The following SLC6A17 variants were observed in gnomAD, a reference collection of about 807,000 sequenced individuals.
The protein encoded by SLC6A17 is sodium-dependent neutral amino acid transporter SLC6A17.
Under a neutral mutation model 64.5 loss-of-function variants are expected in SLC6A17, and 21 were observed. The observed-to-expected ratio is 0.33, with a 90% confidence interval of 0.23 to 0.47. SLC6A17 has a LOEUF of 0.47. Ranked by LOEUF, SLC6A17 falls within the 20% of genes least tolerant of loss-of-function variation. SLC6A17 has a pLI of 1.00. For missense variants in SLC6A17, 682 were observed against 963.2 expected, an observed-to-expected ratio of 0.71 and a Z score of 3.86; for synonymous variants, 372 against 399.5, an observed-to-expected ratio of 0.93 and a Z score of 0.82.
rs529206165 is a variant in SLC6A17 at position 110,174,126 on chromosome 1, C to G, written c.571+27C>G. The G allele has an allele frequency of 4.3e-6, 7 of 1,611,490 alleles. No homozygotes were observed. The South Asian group carries it at 7.7e-5, about 18-fold the overall frequency. Reference sequence around the variant, plus strand: ...CAAGTATGGGGCCCAGCTGGGGATGCCAGCCAGCCCTGTCCCAGGAAGGGG... The same window carrying G: ...CAAGTATGGGGCCCAGCTGGGGATGGCAGCCAGCCCTGTCCCAGGAAGGGG... On this transcript the variant is annotated intron_variant, in intron 4 of 11. Coordinates refer to ENST00000331565, the MANE Select transcript of SLC6A17 (RefSeq NM_001010898.4).
intron 5 of SLC6A17, among the ~76,000 whole-genome samples, chr1:110,175,247 A>G (rs1656343667): frequency 6.6e-6 from 1 of 152,216 alleles, no homozygotes; most frequent in Non-Finnish European, 1.5e-5. Flanking sequence ...AACTAGAAGT[A>G]TTGACCCAGG....
At position 110,194,710 on chromosome 1, in the gene SLC6A17, C is replaced by T. The variant is rs143709207; in HGVS notation, c.1431C>T (p.Thr477=). Residue 477 remains threonine (T), a synonymous_variant, in exon 9 of 12, where the codon ACC becomes ACT. Transcript: ENST00000331565. ...TGGGCCTGGGCAGCATGATCGGGACCATGGCAGGCATCACCACGCCCATCA... is the reference window on the plus strand; with the variant it reads ...TGGGCCTGGGCAGCATGATCGGGACTATGGCAGGCATCACCACGCCCATCA... ...INLGLGSMIG[T]MAGITTPIID... The T allele has an allele frequency of 2.5e-6, 4 of 1,614,068 alleles. No individual in the cohort carries two copies. The highest frequency in any genetic ancestry group is 3.4e-6 in the Non-Finnish European group (4 of 1,180,056).
intron 6 of SLC6A17, 119 bp from the exon 7 acceptor site, chr1:110,191,853 T>C: frequency 6.7e-7 from 1 of 1,489,814 alleles, no homozygotes; most frequent in Non-Finnish European, 9.0e-7. Flanking sequence ...ACACAGCTTC[T>C]TACCACTATG....
intron 1 of SLC6A17, among the ~76,000 whole-genome samples, chr1:110,165,034 C>T (rs963711777): frequency 3.3e-5 from 5 of 152,222 alleles, no homozygotes; most frequent in Non-Finnish European, 7.3e-5. Context: ...GGGACCCCCA[C>T]CCTTCTTCCC....
chr1:110,197,744 C>A, intron 11 of SLC6A17, 145 bp downstream of exon 11: 2 of 993,692 alleles, frequency 2.0e-6, no homozygotes, highest in Non-Finnish European at 1.4e-6. Context: ...AATCTTACAA[C>A]AAGCCAAAGA....
At chr1:110,152,376 T>G (rs1655632872) in intron 1 of SLC6A17, among the ~76,000 whole-genome samples, 1 of 152,196 alleles carries the variant, frequency 6.6e-6, no homozygotes, top group Non-Finnish European at 1.5e-5. Context: ...CCACCAGCTC[T>G]GATTGGAGTG....
intron 1 of SLC6A17, among the ~76,000 whole-genome samples, chr1:110,166,637 G>A (rs1236374626): frequency 2.0e-5 from 3 of 152,128 alleles, no homozygotes; most frequent in African/African-American, 4.8e-5. Flanking sequence ...AATAATGCTC[G>A]GGTCAAGCCT....
intron 10 of SLC6A17, 39 bp downstream of exon 10, chr1:110,195,784 G>A (rs1180637370): frequency 5.0e-6 from 8 of 1,612,116 alleles, no homozygotes; most frequent in Non-Finnish European, 6.8e-6. Context: ...TGGGAGGAGG[G>A]GTCTGTCCTA....
chr1:110,151,327 C>T (rs1458529049), intron 1 of SLC6A17, among the ~76,000 whole-genome samples: 3 of 152,274 alleles, frequency 2.0e-5, no homozygotes, highest in Non-Finnish European at 4.4e-5. Flanking sequence ...AGCCGCTCGG[C>T]CTCAGGCCTG....
intron 6 of SLC6A17, among the ~76,000 whole-genome samples, chr1:110,180,382 A>G (rs1229496970): frequency 1.3e-5 from 2 of 152,218 alleles, no homozygotes; most frequent in Non-Finnish European, 2.9e-5. Context: ...TTTTGCAGGA[A>G]CAAAAACCCC....
chr1:110,152,646 G>C (rs543526586), intron 1 of SLC6A17, among the ~76,000 whole-genome samples: 1 of 152,274 alleles, frequency 6.6e-6, no homozygotes, highest in East Asian at 1.9e-4. Context: ...GTAAGGAAAG[G>C]CTCTGTGATT....
chr1:110,160,116 A>T (rs1311419686), intron 1 of SLC6A17, among the ~76,000 whole-genome samples: 1 of 152,238 alleles, frequency 6.6e-6, no homozygotes, highest in Admixed American at 6.5e-5. Context: ...TGGTAACCAG[A>T]TGCAGCTGGT....
intron 1 of SLC6A17, among the ~76,000 whole-genome samples, chr1:110,153,443 GA>G (rs893574484): frequency 2.0e-5 from 3 of 152,030 alleles, no homozygotes; most frequent in African/African-American, 7.3e-5. Context: ...CCTTAAGAGT[GA>G]AGGAAATAAG....
rs201989744 is a variant in SLC6A17, at chr1:110,198,435, G to A, written c.2175G>A (p.Ser725=). Residue 725 remains serine, a synonymous_variant, in exon 12 of 12, where the codon TCG becomes TCA. Transcript: ENST00000331565. ...ACCTGCTGGCCAGCACCCCTGAGTC[G>A]GAGCTGTGACCACTGCCCAAGCCCT... ...SGYLLASTPE[S]EL 5.0e-5 allele frequency: 81 copies of A among 1,606,890 alleles called. No homozygotes were observed. The highest frequency in any genetic ancestry group is 1.7e-4 in the Middle Eastern group (1 of 6,048).
intron 1 of SLC6A17, among the ~76,000 whole-genome samples, chr1:110,158,112 A>T (rs1386840992): frequency 6.6e-6 from 1 of 152,238 alleles, no homozygotes; most frequent in East Asian, 1.9e-4. Flanking sequence ...TGCACTAGAA[A>T]TAAATCCAAT....
At chr1:110,176,989 C>T (rs957995581) in intron 6 of SLC6A17, among the ~76,000 whole-genome samples, 3 of 152,120 alleles carry the variant, frequency 2.0e-5, no homozygotes, top group African/African-American at 7.2e-5. Context: ...TCTGAAAGAG[C>T]CTTAGGGAGC....
At chr1:110,184,213 C>T (rs1212118125) in intron 6 of SLC6A17, among the ~76,000 whole-genome samples, 6 of 152,196 alleles carry the variant, frequency 3.9e-5, no homozygotes, top group African/African-American at 9.6e-5. Context: ...CGGGTTCAAA[C>T]GATTCTCCTG....
intron 8 of SLC6A17, among the ~76,000 whole-genome samples, chr1:110,193,337 G>A (rs1236931555): frequency 1.3e-5 from 2 of 152,202 alleles, no homozygotes; most frequent in Non-Finnish European, 2.9e-5. Flanking sequence ...AGACTTTAGG[G>A]TGGTGCTGGG....
At chr1:110,172,391 G>A in intron 3 of SLC6A17, 174 bp downstream of exon 3, 1 of 823,932 alleles carries the variant, frequency 1.2e-6, no homozygotes, top group South Asian at 1.9e-5. Context: ...CAGTCACCAT[G>A]TTTCCTAAAC....
Sources: allele counts gnomAD v4.1 joint callset (sites outside exome capture counted in the v4.1 genomes callset), GRCh38; gene constraint gnomAD v4.1.1; transcripts MANE v1.5; gene names NCBI Gene and HGNC (gene_info 2026-07-23, HGNC 2026-07-21).